Variants in AKAP6 observed in about 807,000 individuals in gnomAD.
AKAP6 encodes A-kinase anchoring protein 6, also known as A-kinase anchor protein 6.
A neutral mutation model predicts 188.5 loss-of-function variants in AKAP6; 58 were observed. That is an observed-to-expected ratio of 0.31 (90% confidence interval 0.25 to 0.38). AKAP6 has a LOEUF of 0.38. AKAP6 is among the 10% of genes least tolerant of loss of function. The pLI, the probability that AKAP6 is intolerant of heterozygous loss-of-function variation, is 1.00. For missense variants in AKAP6, 2,710 were observed against 2,740.0 expected, an observed-to-expected ratio of 0.99 and a Z score of 0.24; for synonymous variants, 989 against 998.6, an observed-to-expected ratio of 0.99 and a Z score of 0.18.
chr14:32,632,105 G>A (rs1230630971), intron 7 of AKAP6, among the ~76,000 whole-genome samples: 1 of 151,858 alleles, frequency 6.6e-6, no homozygotes, highest in Non-Finnish European at 1.5e-5. Flanking sequence ...AATGAGGGAG[G>A]TTAGGAAGTG....
chr14:32,347,025 TAC>T (rs1310880182), intron 1 of AKAP6, among the ~76,000 whole-genome samples: 1 of 152,248 alleles, frequency 6.6e-6, no homozygotes, highest in Non-Finnish European at 1.5e-5. Flanking sequence ...AAATATTTCA[TAC>T]AGTCTGTTTG....
rs534892521 is a variant in AKAP6 at position 32,824,318 on chromosome 14, C to G, written c.6505C>G (p.Pro2169Ala). The G allele has an allele frequency of 6.2e-7, 1 of 1,613,762 alleles. No individual in the cohort carries two copies. The highest frequency in any genetic ancestry group is 1.3e-5 in the African/African-American group (1 of 75,008). ...TGAGGGTGACTCTGATGGAGAGGAG[C>G]CTTGTTTCTCTAGTGCTCCTCCAAA... ...CVEGDSDGEEPCFSSAPPNES... is the reference protein window; with the variant it reads ...CVEGDSDGEEACFSSAPPNES... The change falls in exon 13 of 14, where the codon CCT becomes GCT. Residue 2169 changes from proline (P) to alanine (A), a missense_variant. Transcript: ENST00000280979.
At chr14:32,595,116 C>G (rs1342794803) in intron 5 of AKAP6, among the ~76,000 whole-genome samples, 1 of 152,054 alleles carries the variant, frequency 6.6e-6, no homozygotes, top group East Asian at 1.9e-4. Context: ...CCTGTATTAC[C>G]ACAGCAGCTT....
intron 11 of AKAP6, among the ~76,000 whole-genome samples, chr14:32,766,949 A>G (rs188371897): frequency 3.0e-4 from 45 of 152,234 alleles, no homozygotes; most frequent in African/African-American, 1.1e-3. Context: ...AGCTCTTACA[A>G]TTAAGAGTAT....
intron 2 of AKAP6, among the ~76,000 whole-genome samples, chr14:32,496,835 C>G (rs1302894281): frequency 2.6e-5 from 4 of 152,120 alleles, no homozygotes; most frequent in East Asian, 3.9e-4. Context: ...AAGTGCCCAA[C>G]AGTAGTCGTA....
intron 11 of AKAP6, among the ~76,000 whole-genome samples, chr14:32,748,623 T>C (rs2032005238): frequency 6.6e-6 from 1 of 152,212 alleles, no homozygotes. Context: ...ATTGGATCAT[T>C]GACCTGCTTA....
At chr14:32,590,303 C>T (rs1885435796) in intron 5 of AKAP6, among the ~76,000 whole-genome samples, 1 of 151,794 alleles carries the variant, frequency 6.6e-6, no homozygotes, top group African/African-American at 2.4e-5. Flanking sequence ...GGTGTCTCCC[C>T]CAACTCCTAG....
intron 2 of AKAP6, among the ~76,000 whole-genome samples, chr14:32,473,430 TGAG>T (rs761673929): frequency 1.9e-4 from 29 of 152,202 alleles, no homozygotes; most frequent in Non-Finnish European, 4.1e-4. Flanking sequence ...CTAGGGCCAG[TGAG>T]GAGACCATCT....
At chr14:32,565,060 C>T (rs2139220636) in intron 4 of AKAP6, among the ~76,000 whole-genome samples, 1 of 152,228 alleles carries the variant, frequency 6.6e-6, no homozygotes, top group East Asian at 1.9e-4. Flanking sequence ...ATTCTTGGGC[C>T]TCATAATGTA....
intron 5 of AKAP6, among the ~76,000 whole-genome samples, chr14:32,584,023 A>T (rs1885112062): frequency 6.6e-6 from 1 of 152,150 alleles, no homozygotes; most frequent in African/African-American, 2.4e-5. Flanking sequence ...AGTGAGATGA[A>T]CCCGGTGCCT....
At chr14:32,552,250 G>A (rs1230993531) in intron 4 of AKAP6, among the ~76,000 whole-genome samples, 1 of 152,146 alleles carries the variant, frequency 6.6e-6, no homozygotes, top group Non-Finnish European at 1.5e-5. Context: ...CAGGCTTCAG[G>A]CCACCATCTG....
chr14:32,495,611 C>T (rs1880272720), intron 2 of AKAP6, among the ~76,000 whole-genome samples: 1 of 152,160 alleles, frequency 6.6e-6, no homozygotes, highest in Non-Finnish European at 1.5e-5. Flanking sequence ...AATTCTAGGA[C>T]ATAAGGGAGG....
At chr14:32,454,459 A>C (rs529219862) in intron 2 of AKAP6, among the ~76,000 whole-genome samples, 1 of 152,310 alleles carries the variant, frequency 6.6e-6, no homozygotes, top group African/African-American at 2.4e-5. Flanking sequence ...TCATGTGGCC[A>C]TGCCTGACTC....
At chr14:32,576,064 T>G (rs1174996319) in intron 4 of AKAP6, among the ~76,000 whole-genome samples, 5 of 152,192 alleles carry the variant, frequency 3.3e-5, no homozygotes, top group African/African-American at 1.2e-4. Context: ...GGAAAAACCC[T>G]AATGGCAAAA....
At chr14:32,756,415 A>G (rs1376497262) in intron 11 of AKAP6, among the ~76,000 whole-genome samples, 1 of 152,036 alleles carries the variant, frequency 6.6e-6, no homozygotes, top group Non-Finnish European at 1.5e-5. Context: ...TCACAGGGGT[A>G]ATCCTGGAGC....
chr14:32,437,136 C>G (rs117474387), intron 2 of AKAP6, among the ~76,000 whole-genome samples: 1 of 152,122 alleles, frequency 6.6e-6, no homozygotes, highest in Non-Finnish European at 1.5e-5. Context: ...ACAGCTTTTC[C>G]TGTTCCTTCT....
chr14:32,352,091 G>A (rs1247217890), intron 1 of AKAP6, among the ~76,000 whole-genome samples: 34 of 99,280 alleles, frequency 3.4e-4, no homozygotes, highest in African/African-American at 1.6e-3. Flanking sequence ...GTGTGTGTGT[G>A]TGTGTGTGTG....
chr14:32,640,693 TAGGTACCTCCAGTAGTATATTCTG>T (rs796604142), intron 7 of AKAP6, among the ~76,000 whole-genome samples: 40 of 152,260 alleles, frequency 2.6e-4, no homozygotes, highest in African/African-American at 8.9e-4. Flanking sequence ...CTGAGAATCT[TAGGTACCTCCAGTAGTATATTCTG>T]ATATCCTTTT....
intron 7 of AKAP6, among the ~76,000 whole-genome samples, chr14:32,671,710 C>T (rs968404983): frequency 4.5e-4 from 69 of 151,976 alleles, no homozygotes; most frequent in African/African-American, 1.6e-3. Context: ...TAGCAGAGGA[C>T]GTGCACCCAG....
Sources: allele counts gnomAD v4.1 joint callset (sites outside exome capture counted in the v4.1 genomes callset), GRCh38; gene constraint gnomAD v4.1.1; transcripts MANE v1.5; gene names NCBI Gene and HGNC (gene_info 2026-07-23, HGNC 2026-07-21).